The following PCDHGB5 variants were observed in gnomAD, a reference collection of about 807,000 sequenced individuals.
PCDHGB5 encodes the protein protocadherin gamma-B5.
A neutral mutation model predicts 62.9 loss-of-function variants in PCDHGB5; 48 were observed. The ratio of observed to expected loss-of-function variants is 0.76; its 90% CI spans 0.61 to 0.97. The LOEUF is 0.97. Ranked by LOEUF, PCDHGB5 falls within the 50% of genes least tolerant of loss-of-function variation. PCDHGB5 has a pLI of 0.00. For missense variants in PCDHGB5, 1,118 were observed against 1,198.6 expected, an observed-to-expected ratio of 0.93 and a Z score of 0.99; for synonymous variants, 474 against 511.2, an observed-to-expected ratio of 0.93 and a Z score of 0.98.
chr5:141,429,377 GTT>G (rs566693637), intron 1 of PCDHGB5, among the ~76,000 whole-genome samples: 7 of 149,436 alleles, frequency 4.7e-5, no homozygotes, highest in African/African-American at 1.7e-4. Flanking sequence ...GAGAAAATGT[GTT>G]TTTTTTTTAA....
At chr5:141,408,052 C>G in intron 1 of PCDHGB5, 1 of 1,283,102 alleles carries the variant, frequency 7.8e-7, no homozygotes, top group Non-Finnish European at 1.0e-6. Flanking sequence ...CACACAGAGC[C>G]TCCCGGCTGC....
chr5:141,511,823 GC>G lies in PCDHGB5; in HGVS notation c.*653del, dbSNP rs2099883963. On this transcript the variant is annotated 3_prime_UTR_variant, in exon 4 of 4. Coordinates refer to ENST00000617380, the MANE Select transcript of PCDHGB5 (RefSeq NM_018925.3). The stretch of plus-strand genomic sequence containing the variant: ...TTTTGCTACCAAGCCTCTTCCCAAC[GC>G]CCTGGGGACCAGTCTTCTGTTTTGT... The G allele has an allele frequency of 6.4e-6, 1 of 156,728 alleles. No individual in the cohort carries two copies. The highest frequency in any genetic ancestry group is 1.9e-4 in the South Asian group (1 of 5,164). 9.7% of individuals were successfully genotyped at this position (156,728 alleles called of 1,614,324 possible).
intron 1 of PCDHGB5, chr5:141,471,166 C>T (rs1427053969): frequency 2.0e-5 from 3 of 150,492 alleles, no homozygotes; most frequent in Non-Finnish European, 2.9e-5. Context: ...TCTCCTGGCT[C>T]AGCCTCCCTA....
chr5:141,412,108 G>A (rs897331971), intron 1 of PCDHGB5: 2 of 152,198 alleles, frequency 1.3e-5, no homozygotes, highest in Admixed American at 6.5e-5. Flanking sequence ...CACAGTTGAA[G>A]ATATGTGAAC....
In PCDHGB5 at chr5:141,407,217, G is replaced by C. The variant is rs181833770; in HGVS notation, c.2397+6693G>C. 5.8e-3 allele frequency among the ~76,000 whole-genome samples: 885 copies of C among 151,964 alleles called. 4 individuals carry two copies. Among genetic ancestry groups the C allele is most frequent in the Non-Finnish European group, 9.1e-3 (620 of 67,966 alleles). ...TCAAACACGTTTTCCCCCTTAAGTG[G>C]GTAGCAAAAAAAATAAAGCATACTT... On this transcript the variant is annotated intron_variant, in intron 1 of 3. Transcript: ENST00000617380.
chr5:141,427,854 TGC>T (rs2097079964), intron 1 of PCDHGB5: 1 of 1,553,594 alleles, frequency 6.4e-7, no homozygotes, highest in Non-Finnish European at 8.8e-7. Context: ...CGAGCAGCTG[TGC>T]GCCTTCGAGC....
At chr5:141,408,929 A>G in intron 1 of PCDHGB5, 1 of 1,613,518 alleles carries the variant, frequency 6.2e-7, no homozygotes, top group Non-Finnish European at 8.5e-7. Context: ...CCCGGTTTTC[A>G]GCAGAGACGA....
At chr5:141,460,453 A>T (rs1487816393) in intron 1 of PCDHGB5, among the ~76,000 whole-genome samples, 3 of 152,152 alleles carry the variant, frequency 2.0e-5, no homozygotes, top group Non-Finnish European at 4.4e-5. Flanking sequence ...ATGAAGATTC[A>T]TATTTTTTTC....
In PCDHGB5 at chr5:141,477,857, C is replaced by A. The variant is rs548674958; in HGVS notation, c.2398-16950C>A. On this transcript the variant is annotated intron_variant, in intron 1 of 3. Transcript: ENST00000617380. The surrounding 1 kb of genome is among the most constrained non-coding windows in gnomAD (Gnocchi z 4.9). ...AGGTGGGAGCTCGGTGGAGATGCTG[C>A]CTCGAGGTACCTCAGCTGGCCACCT... 2.9e-5 allele frequency: 47 copies of A among 1,613,454 alleles called. No individual in the cohort carries two copies. In the South Asian group the frequency reaches 4.9e-4, roughly 17 times the overall value.
chr5:141,403,626 C>T, intron 1 of PCDHGB5: 1 of 1,613,910 alleles, frequency 6.2e-7, no homozygotes, highest in Non-Finnish European at 8.5e-7. Context: ...CGCTCCAGCA[C>T]AGTGCGCATC....
intron 1 of PCDHGB5, chr5:141,428,255 G>A (rs2097128504): frequency 1.1e-6 from 1 of 875,462 alleles, no homozygotes; most frequent in Non-Finnish European, 1.8e-6. Context: ...CCAGACTTCA[G>A]TGACAGTCCT....
At chr5:141,415,043 T>G in intron 1 of PCDHGB5, 2 of 1,613,396 alleles carry the variant, frequency 1.2e-6, no homozygotes, top group Non-Finnish European at 1.7e-6. Flanking sequence ...CTCTTCGCGG[T>G]GGGGGAGCAC....
At chr5:141,415,482 G>A in intron 1 of PCDHGB5, 1 of 1,614,218 alleles carries the variant, frequency 6.2e-7, no homozygotes, top group Non-Finnish European at 8.5e-7. Flanking sequence ...ACTCGCGAAA[G>A]AGTCACCTGA....
chr5:141,433,001 G>T, intron 1 of PCDHGB5: 1 of 1,614,156 alleles, frequency 6.2e-7, no homozygotes, highest in African/African-American at 1.3e-5. Flanking sequence ...CGGGGTGCAG[G>T]CTTTCCTGCA....
intron 1 of PCDHGB5, chr5:141,422,634 T>C: frequency 1.9e-6 from 3 of 1,612,682 alleles, no homozygotes; most frequent in Non-Finnish European, 2.5e-6. Flanking sequence ...ACCCCAGGGG[T>C]GCCTCCATCT....
chr5:141,485,734 C>T lies in PCDHGB5; in HGVS notation c.2398-9073C>T. ...CACTGGATGTGAAGAAGCGCAGCGACGGCAGCCTGGTCCCAGAGCTGCTCC... is the reference window on the plus strand; with the variant it reads ...CACTGGATGTGAAGAAGCGCAGCGATGGCAGCCTGGTCCCAGAGCTGCTCC... On this transcript the variant is annotated intron_variant, in intron 1 of 3. Transcript: ENST00000617380. This position sits in a 1 kb window ranked among gnomAD's most constrained non-coding sequence, Gnocchi z 5.7. The T allele has an allele frequency of 6.2e-7, 1 of 1,614,210 alleles. No individual in the cohort carries two copies. The highest frequency in any genetic ancestry group is 8.5e-7 in the Non-Finnish European group (1 of 1,180,028).
rs901230493 is a variant in PCDHGB5, at chr5:141,487,514, C to T, written c.2398-7293C>T. 7 of 1,614,150 alleles carry T rather than the reference C, an allele frequency of 4.3e-6. No homozygotes were observed. The highest frequency in any genetic ancestry group is 1.1e-5 in the South Asian group (1 of 91,070). On this transcript the variant is annotated intron_variant, in intron 1 of 3. Transcript: ENST00000617380. The surrounding 1 kb of genome is among the most constrained non-coding windows in gnomAD (Gnocchi z 5.0). Reference sequence around the variant, plus strand: ...TACACCCTTGGCTTCTGCACCCACTCGGAGTGATAGCTTCATGATGGTGAA... The same window carrying T: ...TACACCCTTGGCTTCTGCACCCACTTGGAGTGATAGCTTCATGATGGTGAA...
Position 141,399,378 on chromosome 5 carries a change from C to T in PCDHGB5, c.1251C>T (p.Thr417=), listed in dbSNP as rs368139061. ...DREQTPEYNV[T]ITATDRGKPP... ...AGCAAACCCCGGAGTACAATGTCAC[C>T]ATCACAGCCACAGACAGGGGCAAGC... Residue 417 remains threonine (T), a synonymous_variant, in exon 1 of 4, where the codon ACC becomes ACT. Coordinates refer to ENST00000617380, the MANE Select transcript of PCDHGB5 (RefSeq NM_018925.3). 7.3e-4 allele frequency: 1,186 copies of T among 1,613,874 alleles called. No individual in the cohort carries two copies. The highest frequency in any genetic ancestry group is 9.6e-4 in the Non-Finnish European group (1,128 of 1,179,900).
In PCDHGB5 at chr5:141,487,605, A is replaced by G. The variant is rs202066746; in HGVS notation, c.2398-7202A>G. Reference sequence around the variant, plus strand: ...AGCTGCCCACCCTCTGATCTTCTCTATGGGCTAGAGGTGAGACCTTTGCAG... The same window carrying G: ...AGCTGCCCACCCTCTGATCTTCTCTGTGGGCTAGAGGTGAGACCTTTGCAG... On this transcript the variant is annotated intron_variant, in intron 1 of 3. Transcript: ENST00000617380. The surrounding 1 kb of genome is among the most constrained non-coding windows in gnomAD (Gnocchi z 5.0). 8.7e-6 allele frequency: 14 copies of G among 1,614,008 alleles called. No individual in the cohort carries two copies. In the South Asian group the frequency reaches 8.8e-5, roughly 10 times the overall value.
Sources: gnomAD v4.1 joint callset for allele counts (sites outside exome capture counted in the v4.1 genomes callset) on GRCh38, gnomAD v4.1.1 for gene constraint, Gnocchi (gnomAD v3.1) non-coding constraint, MANE v1.5 for transcripts, NCBI Gene and HGNC (gene_info 2026-07-23, HGNC 2026-07-21) for gene names.